KIAA0825: variants seen among roughly 807,000 people sequenced by gnomAD.
KIAA0825 encodes the protein uncharacterized protein KIAA0825.
A neutral mutation model predicts 147.6 loss-of-function variants in KIAA0825; 119 were observed. The ratio of observed to expected loss-of-function variants is 0.81; its 90% CI spans 0.69 to 0.94. The LOEUF is 0.94. KIAA0825 is among the 40% of genes least tolerant of loss of function. The pLI is 0.00. For synonymous variants in KIAA0825, 470 were observed against 518.1 expected (o/e 0.91, Z 1.26); for missense variants, 1,381 against 1,472.7 (o/e 0.94, Z 1.02).
At chr5:94,279,812 G>A (rs964046947) in intron 20 of KIAA0825, among the ~76,000 whole-genome samples, 5 of 151,998 alleles carry the variant, frequency 3.3e-5, no homozygotes, top group Admixed American at 6.6e-5. Flanking sequence ...GATACTTTTC[G>A]ATAATTTTAA....
chr5:94,232,396 G>A (rs73773595), intron 20 of KIAA0825, among the ~76,000 whole-genome samples: 2,563 of 152,058 alleles, frequency 0.017, 77 homozygotes, highest in African/African-American at 0.058. Flanking sequence ...TACTCTCCAC[G>A]TTTGAATTTG....
In KIAA0825 at chr5:94,197,854, TGC is replaced by T. The variant is rs1771282759; in HGVS notation, c.3711-43732_3711-43731del. Among the ~76,000 whole-genome samples the T allele has an allele frequency of 1.3e-5, 2 of 152,244 alleles. 1 individual carries two copies. The highest frequency in any genetic ancestry group is 4.1e-4 in the South Asian group (2 of 4,836). Reference sequence around the variant, plus strand: ...TGTGTCTGTCTTTGTATCAGTACCATGCTGTTTGGTTACCATAGCATTGTAAT... The same window carrying T: ...TGTGTCTGTCTTTGTATCAGTACCATTGTTTGGTTACCATAGCATTGTAAT... On this transcript the variant is annotated intron_variant, in intron 20 of 20. Coordinates refer to ENST00000682413, the MANE Select transcript of KIAA0825 (RefSeq NM_001145678.3).
intron 5 of KIAA0825, among the ~76,000 whole-genome samples, chr5:94,499,647 AT>A (rs1350944535): frequency 1.4e-5 from 2 of 141,956 alleles, no homozygotes; most frequent in African/African-American, 2.6e-5. Context: ...TTAGCATAAT[AT>A]TTTTTAAATA....
rs1584432185 is a variant in KIAA0825, at chr5:94,417,205, G to C, written c.2658C>G (p.Ile886Met). Residue 886 changes from isoleucine to methionine, a missense_variant, in exon 15 of 21, where the codon ATC becomes ATG. Transcript: ENST00000682413. ...CAAACAGTAAATGTCTCATACCTGG[G>C]ATGTTATATAAAAAGTCCCATAATT... Reference protein sequence around the residue: ...EEQLWDFLYNIPVSTCVEYEL... With the variant: ...EEQLWDFLYNMPVSTCVEYEL... 5 of 1,550,348 alleles carry C rather than the reference G, an allele frequency of 3.2e-6. No individual in the cohort carries two copies. The East Asian group carries it at 1.2e-4, about 38-fold the overall frequency.
chr5:94,440,728 T>A (rs976572530), intron 13 of KIAA0825, among the ~76,000 whole-genome samples: 15 of 152,070 alleles, frequency 9.9e-5, no homozygotes, highest in Non-Finnish European at 2.2e-4. Context: ...CAAATACGCT[T>A]CTGCTTGAAA....
At chr5:94,238,913 C>T (rs1775206862) in intron 20 of KIAA0825, among the ~76,000 whole-genome samples, 1 of 152,110 alleles carries the variant, frequency 6.6e-6, no homozygotes. Flanking sequence ...AATGAAATAT[C>T]TAAGAAACTG....
intron 20 of KIAA0825, among the ~76,000 whole-genome samples, chr5:94,339,537 T>C (rs1200418724): frequency 6.6e-6 from 1 of 152,214 alleles, no homozygotes; most frequent in African/African-American, 2.4e-5. Context: ...CGTCAACGCA[T>C]TTTTATTCTA....
chr5:94,306,133 T>C (rs888756942), intron 20 of KIAA0825, among the ~76,000 whole-genome samples: 1 of 151,674 alleles, frequency 6.6e-6, no homozygotes. Context: ...ACATATAAAA[T>C]AGCTATGGCC....
At chr5:94,596,898 A>G (rs538363703) in intron 1 of KIAA0825, among the ~76,000 whole-genome samples, 24 of 152,192 alleles carry the variant, frequency 1.6e-4, no homozygotes, top group Admixed American at 9.8e-4. Context: ...GGTATATAGG[A>G]ATGCTAGTAA....
In KIAA0825 at chr5:94,151,158, C is replaced by T. The variant is rs1766448171; in HGVS notation, c.*2849G>A. Reference sequence around the variant, plus strand: ...CATGGCCGGGCGCGGTGGCTCACGCCTGTAATCCCAGCACTTTGGGAGGCC... The same window carrying T: ...CATGGCCGGGCGCGGTGGCTCACGCTTGTAATCCCAGCACTTTGGGAGGCC... On this transcript the variant is annotated 3_prime_UTR_variant, in exon 21 of 21. Coordinates refer to ENST00000682413, the MANE Select transcript of KIAA0825 (RefSeq NM_001145678.3). 6.6e-6 allele frequency among the ~76,000 whole-genome samples: 1 copy of T among 151,966 alleles called. No individual in the cohort carries two copies. The highest frequency in any genetic ancestry group is 2.4e-5 in the African/African-American group (1 of 41,418).
At chr5:94,373,558 A>T (rs1747060926) in intron 20 of KIAA0825, among the ~76,000 whole-genome samples, 1 of 152,142 alleles carries the variant, frequency 6.6e-6, no homozygotes, top group Non-Finnish European at 1.5e-5. Flanking sequence ...AGGTGAGAGA[A>T]TGAGATCTAA....
intron 20 of KIAA0825, among the ~76,000 whole-genome samples, chr5:94,353,461 G>T (rs1783919257): frequency 6.6e-6 from 1 of 152,070 alleles, no homozygotes; most frequent in African/African-American, 2.4e-5. Flanking sequence ...GTATTTAAAT[G>T]CAGGTCTCAG....
intron 2 of KIAA0825, among the ~76,000 whole-genome samples, chr5:94,548,579 G>A (rs1774913500): frequency 6.6e-6 from 1 of 152,090 alleles, no homozygotes; most frequent in East Asian, 1.9e-4. Context: ...TAATAGCACT[G>A]AAAGTAAATG....
intron 20 of KIAA0825, among the ~76,000 whole-genome samples, chr5:94,169,365 TG>T (rs759891880): frequency 2.5e-4 from 38 of 152,152 alleles, no homozygotes; most frequent in Non-Finnish European, 4.6e-4. Context: ...GTGGATCACC[TG>T]AGGTCAGGAG....
rs1187666061 is a variant in KIAA0825 at position 94,151,498 on chromosome 5, CA to C, written c.*2508del. On this transcript the variant is annotated 3_prime_UTR_variant, in exon 21 of 21. Transcript: ENST00000682413. ...ATAATCTGATAAATCAATGACTTGT[CA>C]CCTAATACTCTCAATTATAAACTTT... Among the ~76,000 whole-genome samples the C allele has an allele frequency of 1.4e-5, 2 of 147,714 alleles. No individual in the cohort carries two copies. Among genetic ancestry groups the C allele is most frequent in the African/African-American group, 5.0e-5 (2 of 40,102 alleles).
intron 12 of KIAA0825, among the ~76,000 whole-genome samples, chr5:94,456,787 C>T (rs1019847988): frequency 3.9e-5 from 6 of 152,132 alleles, no homozygotes; most frequent in African/African-American, 1.2e-4. Context: ...GAGATAACAA[C>T]AGTTAGAAAT....
chr5:94,524,141 T>A (rs1417603691), intron 3 of KIAA0825, 43 bp from the exon 4 acceptor site: 2 of 1,333,004 alleles, frequency 1.5e-6, no homozygotes, highest in Admixed American at 2.0e-5. Context: ...AGGATATAGA[T>A]AATGGCTTCA....
In KIAA0825 at chr5:94,589,247, C is replaced by T. The variant is rs571483249; in HGVS notation, c.-152-6664G>A. Among the ~76,000 whole-genome samples the T allele has an allele frequency of 5.9e-5, 9 of 152,258 alleles. No individual in the cohort carries two copies. The East Asian group carries it at 1.7e-3, about 29-fold the overall frequency. ...GATTAAGTTGATTTGGGGTTGGGGC[C>T]TGAAATTTTGCATTTCTAACAAGGT... On this transcript the variant is annotated intron_variant, in intron 1 of 20. Coordinates refer to ENST00000682413, the MANE Select transcript of KIAA0825 (RefSeq NM_001145678.3).
Position 94,152,848 on chromosome 5 carries a change from AAAAAAAAT to A in KIAA0825, c.*1151_*1158del, listed in dbSNP as rs1562284014. 11 of 26,176 alleles carry A rather than the reference AAAAAAAAT, an allele frequency of 4.2e-4. No homozygotes were observed. The highest frequency in any genetic ancestry group is 6.2e-4 in the Non-Finnish European group (8 of 12,860). The allele number at this position is 26,176 out of a possible 1,614,324, so 1.6% of individuals were successfully genotyped here. A position where few individuals can be genotyped will look rare whatever the true frequency, so the allele number is the denominator to read the frequency against. The stretch of plus-strand genomic sequence containing the variant: ...AAAAAAAAAAAAAAAAAAAAAAAAA[AAAAAAAAT>A]TATATATATATATATATATATATAT... On this transcript the variant is annotated 3_prime_UTR_variant, in exon 21 of 21. Coordinates refer to ENST00000682413, the MANE Select transcript of KIAA0825 (RefSeq NM_001145678.3).
Sources: allele counts gnomAD v4.1 joint callset (sites outside exome capture counted in the v4.1 genomes callset), GRCh38; gene constraint gnomAD v4.1.1; transcripts MANE v1.5; gene names NCBI Gene and HGNC (gene_info 2026-07-23, HGNC 2026-07-21).